ARID2: variants seen among roughly 807,000 people sequenced by gnomAD.
ARID2 encodes AT-rich interactive domain-containing protein 2.
Under a neutral mutation model 184.6 loss-of-function variants are expected in ARID2, and 32 were observed. That is an observed-to-expected ratio of 0.17 (90% CI 0.13 to 0.23). ARID2 has a LOEUF of 0.23. Ranked by LOEUF, ARID2 falls within the 10% of genes least tolerant of loss-of-function variation. The pLI, the probability that ARID2 is intolerant of heterozygous loss-of-function variation, is 1.00. For missense variants in ARID2, 1,696 were observed against 2,197.6 expected (o/e 0.77, Z 4.56); for synonymous variants, 836 against 772.6 (o/e 1.08, Z -1.36).
At chr12:45,747,459 G>A (rs1941381584) in intron 3 of ARID2, among the ~76,000 whole-genome samples, 1 of 151,924 alleles carries the variant, frequency 6.6e-6, no homozygotes, top group African/African-American at 2.4e-5. Flanking sequence ...TCAGAGTCTT[G>A]GGGTCAAGGA....
intron 3 of ARID2, among the ~76,000 whole-genome samples, chr12:45,799,864 C>T (rs1274161961): frequency 6.6e-6 from 1 of 151,686 alleles, no homozygotes; most frequent in African/African-American, 2.4e-5. Context: ...TTTTTTTTCC[C>T]CTTCAGACAA....
chr12:45,740,798 T>C (rs1941238655), intron 3 of ARID2, among the ~76,000 whole-genome samples: 1 of 152,206 alleles, frequency 6.6e-6, no homozygotes. Flanking sequence ...TCTTTTGTGA[T>C]GTTACATTTT....
intron 3 of ARID2, among the ~76,000 whole-genome samples, chr12:45,753,473 G>A (rs1194757673): frequency 6.6e-6 from 1 of 152,152 alleles, no homozygotes; most frequent in Non-Finnish European, 1.5e-5. Flanking sequence ...AATAAAGTGT[G>A]TACCTTATAG....
chr12:45,770,549 G>T (rs1036112221), intron 3 of ARID2, among the ~76,000 whole-genome samples: 2 of 152,200 alleles, frequency 1.3e-5, no homozygotes, highest in African/African-American at 4.8e-5. Flanking sequence ...GAAGAATGGG[G>T]ATACACTGAC....
intron 3 of ARID2, among the ~76,000 whole-genome samples, chr12:45,761,499 TGG>T (rs1372258063): frequency 6.6e-5 from 10 of 152,172 alleles, no homozygotes; most frequent in Non-Finnish European, 8.8e-5. Flanking sequence ...ATTCTAAGCA[TGG>T]ATTTGTTTTT....
chr12:45,850,573 A>C lies in ARID2; in HGVS notation c.2450A>C (p.Gln817Pro), dbSNP rs771480169. ...CCAGCATGTACTTCTACAGTTTCAC[A>C]GGGTCAACAGTTAATCACCACATCA... ...NIPACTSTVS[Q>P]GQQLITTSPQ... is the part of the protein sequence containing the mutation. The change falls in exon 15 of 21, where the codon CAG becomes CCG. Residue 817 changes from glutamine to proline, a missense_variant. This residue lies in a region of ARID2 where 713 missense variants were observed against 824.4 expected (regional missense o/e 0.86). Transcript: ENST00000334344. 22 of 1,614,132 alleles carry C rather than the reference A, an allele frequency of 1.4e-5. No homozygotes were observed. Among genetic ancestry groups the C allele is most frequent in the Non-Finnish European group, 1.9e-5 (22 of 1,179,994 alleles).
chr12:45,878,383 C>G (rs910790126), intron 16 of ARID2, among the ~76,000 whole-genome samples: 1 of 152,040 alleles, frequency 6.6e-6, no homozygotes, highest in African/African-American at 2.4e-5. Flanking sequence ...TGTTATCACC[C>G]CACAGTCCTT....
chr12:45,783,677 C>T (rs1942139719), intron 3 of ARID2, among the ~76,000 whole-genome samples: 1 of 152,252 alleles, frequency 6.6e-6, no homozygotes, highest in African/African-American at 2.4e-5. Context: ...TCTAATGCCA[C>T]TGCTGATCTG....
At chr12:45,761,742 A>G (rs911465263) in intron 3 of ARID2, among the ~76,000 whole-genome samples, 5 of 151,730 alleles carry the variant, frequency 3.3e-5, no homozygotes. Context: ...ACTTTAAGCC[A>G]TTTCAATCTG....
chr12:45,739,481 G>A (rs1302235620), intron 3 of ARID2, among the ~76,000 whole-genome samples: 1 of 110,886 alleles, frequency 9.0e-6, no homozygotes, highest in Non-Finnish European at 1.7e-5. Flanking sequence ...GTCTGGCTCT[G>A]TCGCCCAGGC....
At chr12:45,839,053 A>G (rs2138135615) in intron 10 of ARID2, among the ~76,000 whole-genome samples, 1 of 150,804 alleles carries the variant, frequency 6.6e-6, no homozygotes, top group East Asian at 2.0e-4. Flanking sequence ...TTTAGTAGAG[A>G]TGGGGCTTCA....
chr12:45,849,319 A>T (rs1943497584), intron 13 of ARID2, among the ~76,000 whole-genome samples: 2 of 152,224 alleles, frequency 1.3e-5, no homozygotes, highest in Admixed American at 6.5e-5. Context: ...TGCAAAGTAC[A>T]TAAAAATAGG....
chr12:45,764,450 A>G (rs1244451823), intron 3 of ARID2, among the ~76,000 whole-genome samples: 1 of 152,224 alleles, frequency 6.6e-6, no homozygotes, highest in East Asian at 1.9e-4. Flanking sequence ...CAGTTGTGTA[A>G]GAACCACCAA....
intron 6 of ARID2, among the ~76,000 whole-genome samples, chr12:45,824,341 A>G (rs1822311961): frequency 6.6e-6 from 1 of 152,006 alleles, no homozygotes; most frequent in African/African-American, 2.4e-5. Flanking sequence ...GGAAAAACTG[A>G]AAGCTTTTCC....
intron 18 of ARID2, among the ~76,000 whole-genome samples, chr12:45,892,729 A>G (rs570156015): frequency 6.6e-6 from 1 of 152,272 alleles, no homozygotes; most frequent in East Asian, 1.9e-4. Flanking sequence ...ATCTCACCAG[A>G]GCACACAGAT....
intron 20 of ARID2, among the ~76,000 whole-genome samples, chr12:45,900,502 C>T (rs1944443887): frequency 6.6e-6 from 1 of 152,182 alleles, no homozygotes; most frequent in South Asian, 2.1e-4. Flanking sequence ...TACTGAAACA[C>T]AGTTGTTAAA....
chr12:45,754,995 A>C (rs1941538850), intron 3 of ARID2, among the ~76,000 whole-genome samples: 1 of 152,254 alleles, frequency 6.6e-6, no homozygotes, highest in South Asian at 2.1e-4. Context: ...AACAATAAAA[A>C]GGAAGATGGG....
At chr12:45,763,216 A>G (rs1345439684) in intron 3 of ARID2, among the ~76,000 whole-genome samples, 2 of 152,236 alleles carry the variant, frequency 1.3e-5, no homozygotes, top group African/African-American at 4.8e-5. Context: ...CACGCCTGTA[A>G]TCCCAGCACT....
chr12:45,795,542 C>T (rs181803003), intron 3 of ARID2, among the ~76,000 whole-genome samples: 414 of 152,246 alleles, frequency 2.7e-3, no homozygotes, highest in African/African-American at 9.6e-3. Context: ...ACGCCATTCT[C>T]CTGCCTCAGC....
Sources: gnomAD v4.1 joint callset for allele counts (sites outside exome capture counted in the v4.1 genomes callset) on GRCh38, gnomAD v4.1.1 for gene constraint, gnomAD v4.1.1 regional missense constraint, MANE v1.5 for transcripts, NCBI Gene and HGNC (gene_info 2026-07-23, HGNC 2026-07-21) for gene names.